Variants in SHROOM4 observed in about 807,000 individuals in gnomAD.
The protein encoded by SHROOM4 is protein Shroom4.
A neutral mutation model predicts 80.3 loss-of-function variants in SHROOM4; 17 were observed. The ratio of observed to expected loss-of-function variants is 0.21; its 90% CI spans 0.14 to 0.32. The LOEUF is 0.32. Ranked by LOEUF, SHROOM4 falls within the 10% of genes least tolerant of loss-of-function variation. The probability of loss-of-function intolerance (pLI) is 1.00; values close to 1 mark genes in which losing one functional copy is unlikely to be tolerated. For missense variants in SHROOM4, 993 were observed against 1,140.3 expected (o/e 0.87, Z 1.86); for synonymous variants, 400 against 437.5 (o/e 0.91, Z 1.07).
intron 2 of SHROOM4, among the ~76,000 whole-genome samples, chrX:50,653,700 G>T (rs1932201097): frequency 8.9e-6 from 1 of 111,738 alleles, no homozygotes; most frequent in African/African-American, 3.3e-5. Flanking sequence ...CTGGCTGTGG[G>T]TTTGTCATAT....
chrX:50,782,257 A>G (rs2147678054), intron 1 of SHROOM4, among the ~76,000 whole-genome samples: 1 of 111,765 alleles, frequency 8.9e-6, no homozygotes, highest in Admixed American at 9.5e-5. Flanking sequence ...CAATTAGTAA[A>G]CAGAAAGCAC....
intron 1 of SHROOM4, among the ~76,000 whole-genome samples, chrX:50,749,347 C>CA (rs781909785): frequency 8.9e-6 from 1 of 112,425 alleles, no homozygotes; most frequent in East Asian, 2.8e-4. Context: ...GTCAGTCACT[C>CA]ACTCATCAGC....
At position 50,633,394 on chromosome X, in the gene SHROOM4, T is replaced by C. The variant is rs1931155170; in HGVS notation, c.2679A>G (p.Gln893=). The C allele has an allele frequency of 5.0e-6, 6 of 1,211,974 alleles. No homozygotes were observed. Among genetic ancestry groups the C allele is most frequent in the Non-Finnish European group, 6.7e-6 (6 of 895,464 alleles). Residue 893 remains glutamine (Q), a synonymous_variant, in exon 4 of 9, where the codon CAA becomes CAG. Transcript: ENST00000376020. ...TGCAAGGATCATGGACTAGAGCTCC[T>C]TGAACACTGCAGGAGTAAGAGCAGG... ...HRTCSYSCSV[Q]GALVHDPCIY...
intron 4 of SHROOM4, among the ~76,000 whole-genome samples, chrX:50,631,598 T>C (rs1330894069): frequency 8.9e-6 from 1 of 112,273 alleles, no homozygotes; most frequent in Admixed American, 9.4e-5. Flanking sequence ...GATGGCATGA[T>C]TGTGTATGTA....
Position 50,589,110 on chromosome X carries a change from C to T in SHROOM4, c.*7585G>A. Among the ~76,000 whole-genome samples, 1 of 111,447 alleles carries T rather than the reference C, an allele frequency of 9.0e-6. No individual in the cohort carries two copies. The highest frequency in any genetic ancestry group is 1.9e-5 in the Non-Finnish European group (1 of 53,099). ...GAGACTACTGTTTGTCCTTATGTTG[C>T]TGGGTCTTCCAGGTCTTCAAGGGGA... is the stretch of plus-strand genomic sequence containing the variant. On this transcript the variant is annotated 3_prime_UTR_variant, in exon 9 of 9. Transcript: ENST00000376020.
At chrX:50,694,204 T>A (rs1285863582) in intron 2 of SHROOM4, among the ~76,000 whole-genome samples, 2 of 111,281 alleles carry the variant, frequency 1.8e-5, no homozygotes, top group Non-Finnish European at 3.8e-5. Context: ...TATGATTTCC[T>A]TTCTTCTGAA....
In SHROOM4 at chrX:50,813,935, A is replaced by ACCCCCCTTAAGGGTGAAGCCCCAGGGTGC; in HGVS notation, c.55_83dup (p.Leu29HisfsTer34). On this transcript the variant is annotated frameshift_variant, in exon 1 of 9. Transcript: ENST00000376020. LOFTEE classifies it high-confidence loss of function. ...CTGTGAGCGGCTCACAGTGTTCCAGACCCCCCTTAAGGGTGAAGCCCCAGG... is the reference window on the plus strand; with the variant it reads ...CTGTGAGCGGCTCACAGTGTTCCAGACCCCCCTTAAGGGTGAAGCCCCAGGGTGCCCCCCCTTAAGGGTGAAGCCCCAGG... The ACCCCCCTTAAGGGTGAAGCCCCAGGGTGC allele has an allele frequency of 8.3e-7, 1 of 1,202,479 alleles. No individual in the cohort carries two copies. The highest frequency in any genetic ancestry group is 3.0e-5 in the East Asian group (1 of 33,597).
intron 1 of SHROOM4, among the ~76,000 whole-genome samples, chrX:50,721,235 T>C (rs1934102619): frequency 8.9e-6 from 1 of 112,351 alleles, no homozygotes; most frequent in Non-Finnish European, 1.9e-5. Context: ...AGAGGGTTCT[T>C]GGATCTTGCA....
chrX:50,603,500 C>A (rs1327149578), intron 6 of SHROOM4, among the ~76,000 whole-genome samples: 1 of 111,472 alleles, frequency 9.0e-6, no homozygotes, highest in African/African-American at 3.3e-5. Context: ...TCAGACATTG[C>A]CTGCTGTAGG....
chrX:50,583,934 G>C (rs1312979626), downstream of SHROOM4, among the ~76,000 whole-genome samples: 1 of 112,122 alleles, frequency 8.9e-6, no homozygotes, highest in African/African-American at 3.2e-5. Context: ...AATATGTGTT[G>C]TTTTAAGCTA....
At chrX:50,700,552 CTTG>C (rs1176411056) in intron 1 of SHROOM4, among the ~76,000 whole-genome samples, 1 of 111,696 alleles carries the variant, frequency 9.0e-6, no homozygotes, top group East Asian at 2.8e-4. Context: ...CCTCTTTTTC[CTTG>C]TTGGTATCTC....
intron 1 of SHROOM4, among the ~76,000 whole-genome samples, chrX:50,799,886 C>A (rs1439180264): frequency 8.9e-6 from 1 of 111,875 alleles, no homozygotes; most frequent in Non-Finnish European, 1.9e-5. Flanking sequence ...ATGCTGCAAT[C>A]ATCAGCCAGC....
At chrX:50,750,329 A>G (rs1934885014) in intron 1 of SHROOM4, among the ~76,000 whole-genome samples, 1 of 111,906 alleles carries the variant, frequency 8.9e-6, no homozygotes, top group South Asian at 3.8e-4. Context: ...GCGCAATCTC[A>G]GCTCACTGCA....
At chrX:50,578,937 G>A in the SHROOM4 span, among the ~76,000 whole-genome samples, 1 of 111,504 alleles carries the variant, frequency 9.0e-6, no homozygotes, top group Non-Finnish European at 1.9e-5. Flanking sequence ...GTTTATTGCT[G>A]ACTTGATAAT....
intron 1 of SHROOM4, among the ~76,000 whole-genome samples, chrX:50,737,060 G>A (rs782437845): frequency 9.9e-5 from 11 of 111,243 alleles, no homozygotes; most frequent in South Asian, 3.8e-4. Context: ...AACATAATAC[G>A]TATAAAATAA....
chrX:50,614,403 A>C (rs1930132886), intron 5 of SHROOM4, among the ~76,000 whole-genome samples: 1 of 112,214 alleles, frequency 8.9e-6, no homozygotes, highest in Non-Finnish European at 1.9e-5. Context: ...TATCCTTAAT[A>C]TGTGAAGTAT....
intron 5 of SHROOM4, among the ~76,000 whole-genome samples, chrX:50,622,672 T>C (rs182283430): frequency 1.8e-5 from 2 of 111,685 alleles, no homozygotes; most frequent in South Asian, 3.8e-4. Context: ...ACATAGTAAA[T>C]GTTAAAATTT....
chrX:50,728,622 C>A (rs1934293629), intron 1 of SHROOM4, among the ~76,000 whole-genome samples: 1 of 111,816 alleles, frequency 8.9e-6, no homozygotes, highest in African/African-American at 3.3e-5. Flanking sequence ...GAATTCAGGT[C>A]TAAAAACAAA....
At chrX:50,602,407 T>A (rs1929469767) in intron 7 of SHROOM4, among the ~76,000 whole-genome samples, 1 of 111,696 alleles carries the variant, frequency 9.0e-6, no homozygotes, top group Admixed American at 9.5e-5. Flanking sequence ...TGGGTTGTTC[T>A]AAGGATCACA....
Sources: allele counts gnomAD v4.1 joint callset (sites outside exome capture counted in the v4.1 genomes callset), GRCh38; gene constraint gnomAD v4.1.1; transcripts MANE v1.5; gene names NCBI Gene and HGNC (gene_info 2026-07-23, HGNC 2026-07-21).